The following DPY19L4 variants were observed in gnomAD, a reference collection of about 807,000 sequenced individuals.
DPY19L4 encodes the protein probable C-mannosyltransferase DPY19L4.
A neutral mutation model predicts 102.8 loss-of-function variants in DPY19L4; 97 were observed. The observed-to-expected ratio is 0.94, with a 90% CI of 0.80 to 1.12. The LOEUF (loss-of-function observed/expected upper bound fraction) is 1.12, where lower values mean the gene tolerates loss of function less well. DPY19L4 is among the 50% of genes most tolerant of loss of function. The pLI is 0.00. For synonymous variants in DPY19L4, 252 were observed against 283.1 expected (o/e 0.89, Z 1.10); for missense variants, 815 against 850.4 (o/e 0.96, Z 0.52).
chr8:94,783,167 T>A (rs963305727), intron 16 of DPY19L4, among the ~76,000 whole-genome samples: 3 of 152,166 alleles, frequency 2.0e-5, no homozygotes, highest in African/African-American at 7.2e-5. Flanking sequence ...GGACTTGGGA[T>A]AATGATTCAG....
chr8:94,770,436 C>T lies in DPY19L4; in HGVS notation c.1335-16C>T, dbSNP rs577178652. On this transcript the variant is annotated splice_polypyrimidine_tract_variant and intron_variant, in intron 12 of 18. Coordinates refer to ENST00000414645, the MANE Select transcript of DPY19L4 (RefSeq NM_181787.3). Reference sequence around the variant, plus strand: ...TACATTTTCAAAGTATTAAAAAATACATTTTCTTTTTGTAGTGGTAAGTCC... The same window carrying T: ...TACATTTTCAAAGTATTAAAAAATATATTTTCTTTTTGTAGTGGTAAGTCC... 2.7e-4 allele frequency: 437 copies of T among 1,590,904 alleles called. 5 individuals carry two copies. In the South Asian group the frequency reaches 4.8e-3, roughly 18 times the overall value.
chr8:94,730,535 C>T (rs1352416397), intron 2 of DPY19L4, among the ~76,000 whole-genome samples: 3 of 151,586 alleles, frequency 2.0e-5, no homozygotes, highest in East Asian at 4.0e-4. Flanking sequence ...CACCTGAGGT[C>T]GGGAGTTTGA....
intron 1 of DPY19L4, among the ~76,000 whole-genome samples, chr8:94,722,240 T>C (rs1810493971): frequency 6.6e-6 from 1 of 151,928 alleles, no homozygotes; most frequent in South Asian, 2.1e-4. Context: ...ACCCTGTCTC[T>C]ACTAAAAAAT....
chr8:94,761,268 T>G lies in DPY19L4; in HGVS notation c.736-432T>G, dbSNP rs541631115. The stretch of plus-strand genomic sequence containing the variant: ...AGGGAACAAAGGGAAAAATAGGAAA[T>G]TATTAAAACTTGAAGCACCATGGAA... On this transcript the variant is annotated intron_variant, in intron 7 of 18. Transcript: ENST00000414645. 2.6e-4 allele frequency among the ~76,000 whole-genome samples: 40 copies of G among 152,194 alleles called. No individual in the cohort carries two copies. In the South Asian group the frequency reaches 8.1e-3, roughly 31 times the overall value.
chr8:94,723,449 G>A (rs984232561), intron 1 of DPY19L4, among the ~76,000 whole-genome samples: 2 of 151,560 alleles, frequency 1.3e-5, no homozygotes, highest in African/African-American at 4.8e-5. Flanking sequence ...CTGCAGCCTG[G>A]GCAAAAAGAG....
chr8:94,777,551 G>A, intron 13 of DPY19L4, 115 bp from the exon 14 acceptor site: 1 of 1,299,796 alleles, frequency 7.7e-7, no homozygotes, highest in Non-Finnish European at 1.0e-6. Context: ...CTTTTTCACT[G>A]TCCCTTAGCA....
chr8:94,773,348 G>A (rs1661829027), intron 13 of DPY19L4, among the ~76,000 whole-genome samples: 1 of 152,026 alleles, frequency 6.6e-6, no homozygotes, highest in South Asian at 2.1e-4. Flanking sequence ...ATCTTTAGAA[G>A]TTTGGAGCTT....
intron 7 of DPY19L4, among the ~76,000 whole-genome samples, chr8:94,757,221 A>G (rs1812199906): frequency 6.6e-6 from 1 of 152,154 alleles, no homozygotes; most frequent in Non-Finnish European, 1.5e-5. Context: ...CCTTTATAAA[A>G]ATCTCTGAAA....
chr8:94,785,511 G>C (rs1036375057), intron 17 of DPY19L4, among the ~76,000 whole-genome samples: 4 of 152,166 alleles, frequency 2.6e-5, no homozygotes, highest in Non-Finnish European at 5.9e-5. Flanking sequence ...GTATAGTCTT[G>C]AAACTAGGAA....
At chr8:94,729,571 C>G (rs1375592218) in intron 2 of DPY19L4, among the ~76,000 whole-genome samples, 1 of 121,662 alleles carries the variant, frequency 8.2e-6, no homozygotes, top group African/African-American at 3.4e-5. Flanking sequence ...TGCACTCCAG[C>G]CTGGGCAACA....
chr8:94,779,122 T>C (rs949195335), intron 14 of DPY19L4, among the ~76,000 whole-genome samples: 2 of 152,034 alleles, frequency 1.3e-5, no homozygotes, highest in Non-Finnish European at 2.9e-5. Context: ...TGGCTAGAAG[T>C]AATTGAAGCT....
At chr8:94,764,898 T>C (rs113819119) in intron 8 of DPY19L4, among the ~76,000 whole-genome samples, 21,801 of 149,424 alleles carry the variant, frequency 0.15, 2,109 homozygotes, top group Non-Finnish European at 0.22. Flanking sequence ...CCAGCTAATT[T>C]TTTTTGTTTT....
At chr8:94,737,219 C>G (rs1360933530) in intron 3 of DPY19L4, among the ~76,000 whole-genome samples, 1 of 152,036 alleles carries the variant, frequency 6.6e-6, no homozygotes, top group Non-Finnish European at 1.5e-5. Context: ...GAATCTCACT[C>G]CATGTCCCAA....
intron 3 of DPY19L4, among the ~76,000 whole-genome samples, chr8:94,737,130 A>G (rs544276318): frequency 6.6e-6 from 1 of 152,306 alleles, no homozygotes; most frequent in African/African-American, 2.4e-5. Context: ...AATATTATTA[A>G]TATGTTAATT....
intron 17 of DPY19L4, 146 bp downstream of exon 17, chr8:94,783,948 TTTAATTA>T (rs1813544057): frequency 2.1e-6 from 2 of 952,368 alleles, no homozygotes; most frequent in East Asian, 5.5e-5. Context: ...AAAAAACCTT[TTTAATTA>T]ATAATACAGT....
chr8:94,789,595 A>G lies in DPY19L4; in HGVS notation c.2008-151A>G, dbSNP rs534590123. 74 of 644,424 alleles carry G rather than the reference A, an allele frequency of 1.1e-4. No homozygotes were observed. In the African/African-American group the frequency reaches 1.3e-3, roughly 11 times the overall value. 39.9% of individuals were successfully genotyped at this position (644,424 alleles called of 1,614,324 possible). ...TGGGCATGGTGACTCACTTATGAAG[A>G]AGGCTTCTATTTGCTAACAGTGAGA... On this transcript the variant is annotated intron_variant, in intron 18 of 18. Coordinates refer to ENST00000414645, the MANE Select transcript of DPY19L4 (RefSeq NM_181787.3).
chr8:94,789,957 G>A lies in DPY19L4; in HGVS notation c.*47G>A. ...CAAAGACTACCTGAAGTAAAATGCA[G>A]TTTTCTTCTACCTACTCGGTGTCTT... On this transcript the variant is annotated 3_prime_UTR_variant, in exon 19 of 19. Transcript: ENST00000414645. 6.5e-7 allele frequency: 1 copy of A among 1,549,102 alleles called. No homozygotes were observed.
At chr8:94,771,232 T>C (rs1036970617) in intron 13 of DPY19L4, among the ~76,000 whole-genome samples, 2 of 152,220 alleles carry the variant, frequency 1.3e-5, no homozygotes, top group African/African-American at 4.8e-5. Context: ...TCTTTTTTAA[T>C]GGTAATAAGT....
At chr8:94,722,630 T>G (rs1810517034) in intron 1 of DPY19L4, among the ~76,000 whole-genome samples, 1 of 152,214 alleles carries the variant, frequency 6.6e-6, no homozygotes, top group African/African-American at 2.4e-5. Flanking sequence ...TTTATTATAA[T>G]GCTAGTAATA....
Sources: allele counts gnomAD v4.1 joint callset (sites outside exome capture counted in the v4.1 genomes callset), GRCh38; gene constraint gnomAD v4.1.1; transcripts MANE v1.5; gene names NCBI Gene and HGNC (gene_info 2026-07-23, HGNC 2026-07-21).